Variants in CAMK2A observed in about 807,000 individuals in gnomAD.
The protein encoded by CAMK2A is calcium/calmodulin-dependent protein kinase type II subunit alpha.
In CAMK2A, 7 loss-of-function variants were observed where a neutral mutation model predicts 79.2. That is an observed-to-expected ratio of 0.09 (90% CI 0.05 to 0.17). The LOEUF (loss-of-function observed/expected upper bound fraction) is 0.17, where lower values mean the gene tolerates loss of function less well. Ranked by LOEUF, CAMK2A falls within the 10% of genes least tolerant of loss-of-function variation. CAMK2A has a pLI of 1.00. For synonymous variants in CAMK2A, 242 were observed against 251.7 expected, an observed-to-expected ratio of 0.96 and a Z score of 0.36; for missense variants, 214 against 646.4, an observed-to-expected ratio of 0.33 and a Z score of 7.25.
intron 6 of CAMK2A, among the ~76,000 whole-genome samples, chr5:150,254,167 G>A (rs1488741020): frequency 3.3e-5 from 5 of 152,236 alleles, no homozygotes; most frequent in Non-Finnish European, 7.4e-5. Context: ...TCTATCTAGA[G>A]GGGAAGCCCT....
chr5:150,237,254 T>A (rs1299392588), intron 15 of CAMK2A, among the ~76,000 whole-genome samples: 1 of 152,216 alleles, frequency 6.6e-6, no homozygotes, highest in African/African-American at 2.4e-5. Context: ...TTTACAAAAA[T>A]GTTTCCTACG....
chr5:150,257,335 A>G (rs1756101583), intron 4 of CAMK2A, among the ~76,000 whole-genome samples: 1 of 152,258 alleles, frequency 6.6e-6, no homozygotes, highest in Non-Finnish European at 1.5e-5. Context: ...GAAAACCAGC[A>G]TCACTGGCCA....
intron 3 of CAMK2A, among the ~76,000 whole-genome samples, chr5:150,263,412 ACT>A (rs1473784725): frequency 1.3e-5 from 2 of 151,922 alleles, no homozygotes; most frequent in African/African-American, 4.8e-5. Context: ...ACTTACACAG[ACT>A]CACATACGCA....
intron 13 of CAMK2A, among the ~76,000 whole-genome samples, chr5:150,242,324 G>A (rs1302153620): frequency 2.0e-5 from 3 of 152,198 alleles, no homozygotes; most frequent in African/African-American, 7.2e-5. Context: ...AGAATCACAT[G>A]TGGAAGCATG....
chr5:150,223,198 C>T lies in CAMK2A; in HGVS notation c.1257G>A (p.Lys419=). Reference sequence around the variant, plus strand: ...GATTCAGGATGGTGGTGTGCACGGGCTTGCTGTTCCGGGACCACACTGGAG... The same window carrying T: ...GATTCAGGATGGTGGTGTGCACGGGTTTGCTGTTCCGGGACCACACTGGAG... The part of the protein sequence containing the change: ...YFENLWSRNS[K]PVHTTILNPH... The change falls in exon 18 of 19, where the codon AAG becomes AAA. Residue 419 remains lysine, a synonymous_variant. Coordinates refer to ENST00000671881, the MANE Select transcript of CAMK2A (RefSeq NM_015981.4). The surrounding 1 kb of genome is among the most constrained non-coding windows in gnomAD (Gnocchi z 4.1). 5.6e-6 allele frequency: 9 copies of T among 1,613,660 alleles called. No individual in the cohort carries two copies. Among genetic ancestry groups the T allele is most frequent in the Non-Finnish European group, 7.6e-6 (9 of 1,180,014 alleles).
At chr5:150,246,166 G>A (rs996097178) in intron 12 of CAMK2A, among the ~76,000 whole-genome samples, 2 of 152,190 alleles carry the variant, frequency 1.3e-5, no homozygotes, top group Non-Finnish European at 2.9e-5. Flanking sequence ...GAGGCATGGG[G>A]CTCATGGCAG....
chr5:150,253,575 G>C, intron 6 of CAMK2A, 29 bp from the exon 7 acceptor site: 2 of 1,568,336 alleles, frequency 1.3e-6, no homozygotes, highest in Non-Finnish European at 1.8e-6. Flanking sequence ...GAGGGAGGAA[G>C]GGGAGGAAAG....
chr5:150,232,448 C>T (rs1422324217), intron 15 of CAMK2A, among the ~76,000 whole-genome samples: 1 of 152,218 alleles, frequency 6.6e-6, no homozygotes, highest in Non-Finnish European at 1.5e-5. Context: ...GCAAGGTCAG[C>T]TTCCTCCCAA....
chr5:150,247,233 G>A (rs1403020323), intron 12 of CAMK2A, among the ~76,000 whole-genome samples: 1 of 152,242 alleles, frequency 6.6e-6, no homozygotes, highest in Non-Finnish European at 1.5e-5. Flanking sequence ...AACCTGTGCT[G>A]AATGCAGGCT....
At chr5:150,228,344 G>A in intron 16 of CAMK2A, 58 bp from the exon 17 acceptor site, 1 of 1,233,106 alleles carries the variant, frequency 8.1e-7, no homozygotes, top group Non-Finnish European at 1.2e-6. Context: ...TGGACCCTTG[G>A]AGGGTGAGCC....
At chr5:150,278,936 G>A (rs1297053879) in intron 1 of CAMK2A, among the ~76,000 whole-genome samples, 1 of 152,180 alleles carries the variant, frequency 6.6e-6, no homozygotes, top group Non-Finnish European at 1.5e-5. Context: ...GGTGTGTGGG[G>A]GGAGAGACAG....
chr5:150,224,171 A>G (rs1754485652), intron 17 of CAMK2A, among the ~76,000 whole-genome samples: 1 of 152,170 alleles, frequency 6.6e-6, no homozygotes, highest in East Asian at 1.9e-4. Context: ...CTATTATTAT[A>G]TTAATTCTAG....
intron 13 of CAMK2A, 111 bp from the exon 14 acceptor site, chr5:150,239,847 C>T (rs1438588871): frequency 4.5e-6 from 4 of 881,672 alleles, no homozygotes; most frequent in Non-Finnish European, 5.8e-6. Context: ...CGGGGTCATC[C>T]TCTGTAGTCC....
intron 2 of CAMK2A, among the ~76,000 whole-genome samples, chr5:150,265,916 C>T (rs1580938824): frequency 7.1e-6 from 1 of 141,526 alleles, no homozygotes; most frequent in East Asian, 2.0e-4. Context: ...GCCTAGGCGA[C>T]AGAGCGAGAC....
chr5:150,237,112 C>A (rs889319235), intron 15 of CAMK2A, among the ~76,000 whole-genome samples: 3 of 152,110 alleles, frequency 2.0e-5, no homozygotes, highest in South Asian at 2.1e-4. Flanking sequence ...GAGTACCCAC[C>A]ACCGCCCAGG....
intron 1 of CAMK2A, among the ~76,000 whole-genome samples, chr5:150,274,717 G>A (rs538973743): frequency 6.6e-6 from 1 of 152,350 alleles, no homozygotes; most frequent in African/African-American, 2.4e-5. Flanking sequence ...ATAGTTCAGT[G>A]TAGATTGCCC....
chr5:150,242,350 A>G (rs1386401586), intron 13 of CAMK2A, among the ~76,000 whole-genome samples: 2 of 152,240 alleles, frequency 1.3e-5, no homozygotes, highest in African/African-American at 4.8e-5. Flanking sequence ...AAGGTTAGCA[A>G]GGATGATAGA....
At chr5:150,244,216 G>C (rs1194369482) in intron 13 of CAMK2A, among the ~76,000 whole-genome samples, 1 of 152,246 alleles carries the variant, frequency 6.6e-6, no homozygotes, top group Admixed American at 6.5e-5. Context: ...TAAGTACAGA[G>C]GGGAGACCCA....
Position 150,256,709 on chromosome 5 carries a change from A to G in CAMK2A, c.338+57T>C. 1.2e-6 allele frequency: 2 copies of G among 1,607,932 alleles called. No homozygotes were observed. The highest frequency in any genetic ancestry group is 1.7e-5 in the Admixed American group (1 of 59,988). On this transcript the variant is annotated intron_variant, in intron 5 of 18. Coordinates refer to ENST00000671881, the MANE Select transcript of CAMK2A (RefSeq NM_015981.4). The surrounding 1 kb of genome is among the most constrained non-coding windows in gnomAD (Gnocchi z 4.6). ...CACAGGCCTCCCCTGGGAAGCTGAC[A>G]GCAGGCAAGAGTGCCCTGTCCCCGG...
Sources: allele counts gnomAD v4.1 joint callset (sites outside exome capture counted in the v4.1 genomes callset), GRCh38; gene constraint gnomAD v4.1.1; non-coding constraint Gnocchi (gnomAD v3.1); transcripts MANE v1.5; gene names NCBI Gene and HGNC (gene_info 2026-07-23, HGNC 2026-07-21).